Variants in FHIT observed in about 807,000 individuals in gnomAD.
The protein encoded by FHIT is bis(5'-adenosyl)-triphosphatase.
FHIT carries 19 observed loss-of-function variants against 17.9 expected under a neutral mutation model. That is an observed-to-expected ratio of 1.06 (90% CI 0.74 to 1.56). The LOEUF (loss-of-function observed/expected upper bound fraction) is 1.56, where lower values mean the gene tolerates loss of function less well. Ranked by LOEUF, FHIT falls within the 40% of genes most tolerant of loss-of-function variation. The probability of loss-of-function intolerance (pLI) is 0.00; values close to 1 mark genes in which losing one functional copy is unlikely to be tolerated. For missense variants in FHIT, 248 were observed against 189.2 expected, an observed-to-expected ratio of 1.31 and a Z score of -1.82; for synonymous variants, 81 against 69.7, an observed-to-expected ratio of 1.16 and a Z score of -0.81.
At chr3:60,979,973 G>C (rs1241559743) in intron 3 of FHIT, among the ~76,000 whole-genome samples, 1 of 152,168 alleles carries the variant, frequency 6.6e-6, no homozygotes, top group Non-Finnish European at 1.5e-5. Flanking sequence ...CTGCTGTTTA[G>C]AGAAAGGAAG....
intron 5 of FHIT, among the ~76,000 whole-genome samples, chr3:60,256,545 A>G (rs1410415215): frequency 4.6e-5 from 7 of 152,210 alleles, no homozygotes; most frequent in African/African-American, 1.2e-4. Flanking sequence ...GAGCTAACTA[A>G]GGCTAAGAGA....
chr3:60,254,004 C>CG (rs1559764384), intron 5 of FHIT, among the ~76,000 whole-genome samples: 1 of 152,102 alleles, frequency 6.6e-6, no homozygotes, highest in Admixed American at 6.6e-5. Flanking sequence ...CAAGTTAGTA[C>CG]GATGAATACC....
At chr3:60,652,713 G>C (rs1178269566) in intron 4 of FHIT, among the ~76,000 whole-genome samples, 6 of 129,142 alleles carry the variant, frequency 4.6e-5, no homozygotes, top group South Asian at 5.0e-4. Context: ...GGGCAAAAGA[G>C]AGAGACTCCA....
At chr3:60,682,046 A>G (rs140518434) in intron 4 of FHIT, among the ~76,000 whole-genome samples, 9 of 151,096 alleles carry the variant, frequency 6.0e-5, no homozygotes, top group Non-Finnish European at 1.2e-4. Flanking sequence ...ATCTCAGCTC[A>G]CTGCAACCTC....
intron 5 of FHIT, among the ~76,000 whole-genome samples, chr3:60,379,517 T>G (rs1427240284): frequency 1.3e-5 from 2 of 152,200 alleles, no homozygotes; most frequent in African/African-American, 4.8e-5. Flanking sequence ...AAGTTAGAGA[T>G]AGTTTTCTTT....
At chr3:61,209,199 T>C (rs2039364916) in intron 1 of FHIT, among the ~76,000 whole-genome samples, 1 of 152,354 alleles carries the variant, frequency 6.6e-6, no homozygotes, top group South Asian at 2.1e-4. Context: ...GTTAGTCTGA[T>C]GGGCTTCCCT....
At chr3:61,068,362 C>A (rs1367650126) in intron 2 of FHIT, among the ~76,000 whole-genome samples, 2 of 152,198 alleles carry the variant, frequency 1.3e-5, no homozygotes, top group African/African-American at 2.4e-5. Context: ...TTTCTAAAGG[C>A]CTTCCACATT....
chr3:60,690,309 A>G, intron 4 of FHIT: 1 of 562,220 alleles, frequency 1.8e-6, no homozygotes, highest in South Asian at 1.4e-5. Flanking sequence ...CCTCCACAAT[A>G]TCCATGCCTT....
At chr3:60,355,692 A>G (rs1431992427) in intron 5 of FHIT, among the ~76,000 whole-genome samples, 1 of 152,210 alleles carries the variant, frequency 6.6e-6, no homozygotes, top group Non-Finnish European at 1.5e-5. Flanking sequence ...CCAAAACAGC[A>G]ATAGGTTATT....
chr3:60,239,073 T>G (rs960454380), intron 5 of FHIT, among the ~76,000 whole-genome samples: 2 of 152,172 alleles, frequency 1.3e-5, no homozygotes, highest in Non-Finnish European at 2.9e-5. Flanking sequence ...ATTTCAGCCA[T>G]GAGTATTTGT....
At chr3:60,024,267 CTT>C (rs139912970) in intron 5 of FHIT, among the ~76,000 whole-genome samples, 2,850 of 152,274 alleles carry the variant, frequency 0.019, 45 homozygotes, top group Middle Eastern at 0.051. Context: ...GAGAGTCACA[CTT>C]AACACTAATT....
At chr3:61,039,500 A>G (rs968095708) in intron 3 of FHIT, among the ~76,000 whole-genome samples, 5 of 152,174 alleles carry the variant, frequency 3.3e-5, no homozygotes, top group African/African-American at 1.2e-4. Context: ...TGGCACATAT[A>G]CACCATAGAA....
At chr3:60,716,594 C>A (rs1166923110) in intron 4 of FHIT, among the ~76,000 whole-genome samples, 1 of 152,078 alleles carries the variant, frequency 6.6e-6, no homozygotes, top group African/African-American at 2.4e-5. Flanking sequence ...GGAGTTCTTG[C>A]CTGAGACTGT....
chr3:60,115,034 TA>T (rs1704892420), intron 5 of FHIT, among the ~76,000 whole-genome samples: 1 of 152,144 alleles, frequency 6.6e-6, no homozygotes, highest in South Asian at 2.1e-4. Flanking sequence ...TGTCAAATAT[TA>T]AAATTAATCA....
rs140961195 is a variant in FHIT at position 60,887,850 on chromosome 3, T to C, written c.-110-65839A>G. ...CAATGAATTTTAGCCTGTCTATAAG[T>C]ACTCTTTTCTATGAAAACATAAAAG... On this transcript the variant is annotated intron_variant, in intron 3 of 9. Coordinates refer to ENST00000492590, the MANE Select transcript of FHIT (RefSeq NM_002012.4). Among the ~76,000 whole-genome samples the C allele has an allele frequency of 2.3e-4, 35 of 152,276 alleles. 1 individual carries two copies. In the East Asian group the frequency reaches 6.4e-3, roughly 28 times the overall value.
intron 8 of FHIT, among the ~76,000 whole-genome samples, chr3:59,806,140 C>G (rs1016118432): frequency 7.3e-5 from 11 of 150,688 alleles, no homozygotes; most frequent in Admixed American, 3.3e-4. Context: ...GAGATCACAC[C>G]GCTGCACTCC....
intron 2 of FHIT, among the ~76,000 whole-genome samples, chr3:61,109,557 TA>T (rs1191179790): frequency 6.6e-6 from 1 of 152,154 alleles, no homozygotes; most frequent in African/African-American, 2.4e-5. Context: ...CCCCTGTATG[TA>T]AGCCCCCAGT....
chr3:61,154,553 C>T (rs1306911952), intron 2 of FHIT, among the ~76,000 whole-genome samples: 1 of 152,100 alleles, frequency 6.6e-6, no homozygotes, highest in Non-Finnish European at 1.5e-5. Flanking sequence ...AAAATATTCT[C>T]AACACTAACA....
At chr3:60,304,650 G>C (rs1708595255) in intron 5 of FHIT, among the ~76,000 whole-genome samples, 1 of 152,036 alleles carries the variant, frequency 6.6e-6, no homozygotes, top group Non-Finnish European at 1.5e-5. Context: ...AACAGTTTTA[G>C]TATATGTGCC....
Sources: gnomAD v4.1 joint callset for allele counts (sites outside exome capture counted in the v4.1 genomes callset) on GRCh38, gnomAD v4.1.1 for gene constraint, MANE v1.5 for transcripts, NCBI Gene and HGNC (gene_info 2026-07-23, HGNC 2026-07-21) for gene names.